ANKRD27: variants seen among roughly 807,000 people sequenced by gnomAD.
ANKRD27 encodes the protein ankyrin repeat domain-containing protein 27.
A neutral mutation model predicts 129.7 loss-of-function variants in ANKRD27; 112 were observed. The observed-to-expected ratio is 0.86, with a 90% CI of 0.74 to 1.01. ANKRD27 has a LOEUF of 1.01. Among genes scored for constraint, ANKRD27 ranks in the 50% least tolerant of loss-of-function variants. The probability of loss-of-function intolerance (pLI) is 0.00; values close to 1 mark genes in which losing one functional copy is unlikely to be tolerated. For missense variants in ANKRD27, 1,258 were observed against 1,300.5 expected (o/e 0.97, Z 0.50); for synonymous variants, 516 against 511.2 (o/e 1.01, Z -0.13).
chr19:32,598,508 A>G (rs758279437), intron 28 of ANKRD27, 130 bp from the exon 29 acceptor site: 16 of 768,164 alleles, frequency 2.1e-5, no homozygotes, highest in Non-Finnish European at 3.5e-5. Flanking sequence ...CATAATTTCA[A>G]TTCTCACATC....
At chr19:32,619,820 G>T (rs1045094069) in intron 18 of ANKRD27, among the ~76,000 whole-genome samples, 1 of 152,064 alleles carries the variant, frequency 6.6e-6, no homozygotes, top group African/African-American at 2.4e-5. Context: ...GGCTTCCCAC[G>T]CATGGACGCA....
intron 25 of ANKRD27, among the ~76,000 whole-genome samples, chr19:32,603,652 C>A (rs1971685719): frequency 6.6e-6 from 1 of 152,190 alleles, no homozygotes; most frequent in African/African-American, 2.4e-5. Flanking sequence ...GATCCTCCCA[C>A]CTCAGCCTCC....
At chr19:32,619,170 G>A in intron 20 of ANKRD27, 90 bp downstream of exon 20, 3 of 1,501,026 alleles carry the variant, frequency 2.0e-6, no homozygotes, top group Non-Finnish European at 2.7e-6. Context: ...TGAGAGGGCG[G>A]CCCTTGTCAG....
At chr19:32,653,878 G>A (rs1371616450) in intron 2 of ANKRD27, among the ~76,000 whole-genome samples, 1 of 152,160 alleles carries the variant, frequency 6.6e-6, no homozygotes, top group Non-Finnish European at 1.5e-5. Context: ...GGTTCACTCT[G>A]CGGGAGACAC....
chr19:32,643,396 GGGTGT>G (rs1460143825), intron 7 of ANKRD27, 30 bp downstream of exon 7: 1 of 1,613,724 alleles, frequency 6.2e-7, no homozygotes, highest in African/African-American at 1.3e-5. Context: ...GCGGGCAACA[GGGTGT>G]GCCTCCCAGC....
rs528376818 is a variant in ANKRD27, at chr19:32,651,640, G to A, written c.103-1848C>T. ...CCACCTCAGCCTCTCAAAGTGCTGC[G>A]ATTACAGGTGTGAGCCACCACGCCT... On this transcript the variant is annotated intron_variant, in intron 2 of 28. Transcript: ENST00000306065. Among the ~76,000 whole-genome samples the A allele has an allele frequency of 1.8e-4, 27 of 152,190 alleles. No individual in the cohort carries two copies. The South Asian group carries it at 4.4e-3, about 25-fold the overall frequency.
At chr19:32,639,295 C>A (rs1378123156) in intron 12 of ANKRD27, 61 bp downstream of exon 12, 1 of 1,606,724 alleles carries the variant, frequency 6.2e-7, no homozygotes, top group Admixed American at 1.7e-5. Context: ...CCAACCCCAG[C>A]ACCCTATCAA....
intron 1 of ANKRD27, among the ~76,000 whole-genome samples, chr19:32,665,573 C>A (rs1967737189): frequency 6.6e-6 from 1 of 152,038 alleles, no homozygotes; most frequent in Non-Finnish European, 1.5e-5. Context: ...CATTCTCCTG[C>A]CTCAGCCTCT....
At chr19:32,647,610 C>T (rs548917876) in intron 3 of ANKRD27, among the ~76,000 whole-genome samples, 1 of 152,326 alleles carries the variant, frequency 6.6e-6, no homozygotes, top group East Asian at 1.9e-4. Flanking sequence ...GGAGAGGAAG[C>T]ACGGGGTTGT....
At position 32,625,986 on chromosome 19, in the gene ANKRD27, C is replaced by T. The variant is rs755895577; in HGVS notation, c.1537-20G>A. 8.8e-6 allele frequency: 14 copies of T among 1,587,290 alleles called. No individual in the cohort carries two copies. The highest frequency in any genetic ancestry group is 4.0e-5 in the African/African-American group (3 of 74,382). ...CAGCAGCTGCGGAGATAAAGGAAAG[C>T]GATGAGCAGGGCACAGCCGGCTCCC... On this transcript the variant is annotated intron_variant, in intron 16 of 28. Transcript: ENST00000306065.
At chr19:32,619,149 G>C in intron 20 of ANKRD27, 111 bp downstream of exon 20, 1 of 1,418,940 alleles carries the variant, frequency 7.0e-7, no homozygotes, top group African/African-American at 1.4e-5. Flanking sequence ...CCTCAGCATG[G>C]GCAAGCAGGC....
At chr19:32,625,829 G>T in intron 17 of ANKRD27, 45 bp downstream of exon 17, 1 of 1,431,282 alleles carries the variant, frequency 7.0e-7, no homozygotes. Context: ...TCTACGAGTG[G>T]GAAAGGGTGA....
chr19:32,602,741 T>A (rs1971672160), intron 25 of ANKRD27, among the ~76,000 whole-genome samples: 1 of 151,634 alleles, frequency 6.6e-6, no homozygotes, highest in Admixed American at 6.6e-5. Flanking sequence ...TAAAAAAAAA[T>A]TAGCTGGTCA....
At chr19:32,657,619 T>C in intron 2 of ANKRD27, among the ~76,000 whole-genome samples, 1 of 147,132 alleles carries the variant, frequency 6.8e-6, no homozygotes, top group Non-Finnish European at 1.5e-5. Context: ...TGAGACTCTG[T>C]CTCAAAAAAA....
At chr19:32,626,646 G>A in intron 16 of ANKRD27, 66 bp downstream of exon 16, 1 of 1,273,128 alleles carries the variant, frequency 7.9e-7, no homozygotes, top group Non-Finnish European at 1.1e-6. Context: ...TGACCGTACA[G>A]TCACCACGCA....
In ANKRD27 at chr19:32,615,751, C is replaced by T. The variant is rs768768378; in HGVS notation, c.2082G>A (p.Glu694=). The change falls in exon 22 of 29, where the codon GAG becomes GAA. Residue 694 remains glutamate (E), a synonymous_variant. Coordinates refer to ENST00000306065, the MANE Select transcript of ANKRD27 (RefSeq NM_032139.3). Reference sequence around the variant, plus strand: ...CAGTGTCCTCCGCATCCTCCAGGTCCTCCTCTGTCCATTCCAACAGGTAAC... The same window carrying T: ...CAGTGTCCTCCGCATCCTCCAGGTCTTCCTCTGTCCATTCCAACAGGTAAC... ...MVRYLLEWTE[E]DLEDAEDTVS... is the part of the protein sequence containing the mutation. The T allele has an allele frequency of 6.2e-7, 1 of 1,614,078 alleles. No homozygotes were observed. The highest frequency in any genetic ancestry group is 8.5e-7 in the Non-Finnish European group (1 of 1,179,990).
intron 26 of ANKRD27, among the ~76,000 whole-genome samples, chr19:32,600,785 A>G (rs1257273610): frequency 6.6e-6 from 1 of 152,138 alleles, no homozygotes; most frequent in Non-Finnish European, 1.5e-5. Flanking sequence ...ACGGTGAGAC[A>G]GTCTCAGGGT....
chr19:32,617,917 G>C (rs1383651251), intron 20 of ANKRD27, among the ~76,000 whole-genome samples: 4 of 152,112 alleles, frequency 2.6e-5, no homozygotes, highest in Non-Finnish European at 4.4e-5. Flanking sequence ...ACCATGCCCG[G>C]CTAATTTTTT....
intron 24 of ANKRD27, among the ~76,000 whole-genome samples, chr19:32,604,875 T>C (rs969830980): frequency 3.3e-5 from 5 of 151,508 alleles, no homozygotes; most frequent in Middle Eastern, 3.4e-3. Context: ...CTGGCCAACA[T>C]AGTGAAATCC....
Sources: gnomAD v4.1 joint callset for allele counts (sites outside exome capture counted in the v4.1 genomes callset) on GRCh38, gnomAD v4.1.1 for gene constraint, MANE v1.5 for transcripts, NCBI Gene and HGNC (gene_info 2026-07-23, HGNC 2026-07-21) for gene names.